The following TTF2 variants were observed in gnomAD, a reference collection of about 807,000 sequenced individuals.
TTF2 encodes the protein transcription termination factor 2.
Under a neutral mutation model 142.4 loss-of-function variants are expected in TTF2, and 108 were observed. The ratio of observed to expected loss-of-function variants is 0.76; its 90% confidence interval spans 0.65 to 0.89. The LOEUF (loss-of-function observed/expected upper bound fraction) is 0.89, where lower values mean the gene tolerates loss of function less well. TTF2 is among the 40% of genes least tolerant of loss of function. The pLI is 0.00. For missense variants in TTF2, 1,327 were observed against 1,379.8 expected, an observed-to-expected ratio of 0.96 and a Z score of 0.61; for synonymous variants, 483 against 506.2, an observed-to-expected ratio of 0.95 and a Z score of 0.61.
Position 117,081,840 on chromosome 1 carries a change from G to A in TTF2, c.1796G>A (p.Gly599Asp), listed in dbSNP as rs1412677076. Reference sequence around the variant, plus strand: ...TTTTATTTTCTAGCAGATGATATGGGCTTAGGAAAAACCCTGACAATGATT... The same window carrying A: ...TTTTATTTTCTAGCAGATGATATGGACTTAGGAAAAACCCTGACAATGATT... ...PQGGILADDM[G>D]LGKTLTMIAL... The change falls in exon 10 of 23, where the codon GGC (glycine) becomes GAC (aspartate). Residue 599 changes from glycine to aspartate, a missense_variant. By Grantham distance (94) the Gly-to-Asp change is moderately conservative (BLOSUM62 -1). Transcript: ENST00000369466. 6.2e-7 allele frequency: 1 copy of A among 1,613,884 alleles called. No homozygotes were observed.
At chr1:117,089,072 G>A (rs936200937) in intron 13 of TTF2, 90 bp downstream of exon 13, 2 of 1,378,668 alleles carry the variant, frequency 1.5e-6, no homozygotes, top group African/African-American at 3.0e-5. Context: ...CTTAGTATGT[G>A]CCAGATTATC....
intron 3 of TTF2, among the ~76,000 whole-genome samples, chr1:117,068,732 G>C (rs1346222706): frequency 6.6e-6 from 1 of 152,190 alleles, no homozygotes; most frequent in Non-Finnish European, 1.5e-5. Flanking sequence ...GATGGTGATA[G>C]AGAGGCAACC....
Position 117,097,877 on chromosome 1 carries a change from A to G in TTF2, c.3269+444A>G, listed in dbSNP as rs1178231978. ...GGGATTTTCTAATTATGTTAGAAAT[A>G]CACTTAATACCTCACCCTTGGATTC... On this transcript the variant is annotated intron_variant, in intron 21 of 22. Coordinates refer to ENST00000369466, the MANE Select transcript of TTF2 (RefSeq NM_003594.4). This position sits in a 1 kb window ranked among gnomAD's most constrained non-coding sequence, Gnocchi z 4.1. Among the ~76,000 whole-genome samples the G allele has an allele frequency of 6.6e-6, 1 of 152,260 alleles. No homozygotes were observed. Among genetic ancestry groups the G allele is most frequent in the Non-Finnish European group, 1.5e-5 (1 of 68,042 alleles).
At position 117,092,950 on chromosome 1, in the gene TTF2, C is replaced by T. The variant is rs1331319478; in HGVS notation, c.2976+49C>T. The stretch of plus-strand genomic sequence containing the variant: ...AGTCGAGAGACTTCGATTCCTCACA[C>T]ATTTTCCTGTGTGACAGCACTTCAT... On this transcript the variant is annotated intron_variant, in intron 18 of 22. Coordinates refer to ENST00000369466, the MANE Select transcript of TTF2 (RefSeq NM_003594.4). The surrounding 1 kb of genome is among the most constrained non-coding windows in gnomAD (Gnocchi z 4.4). The T allele has an allele frequency of 6.2e-7, 1 of 1,600,318 alleles. No homozygotes were observed. Among genetic ancestry groups the T allele is most frequent in the Non-Finnish European group, 8.5e-7 (1 of 1,170,956 alleles).
At position 117,060,538 on chromosome 1, in the gene TTF2, A is replaced by G; in HGVS notation, c.112A>G (p.Ser38Gly). 1 of 1,612,312 alleles carries G rather than the reference A, an allele frequency of 6.2e-7. No individual in the cohort carries two copies. The highest frequency in any genetic ancestry group is 8.5e-7 in the Non-Finnish European group (1 of 1,178,914). ...CTACGTGTGCCGGGCAGACACGTGC[A>G]GCTTCGTGCGGGCCACCGAGTAGGT... is the stretch of plus-strand genomic sequence containing the variant. ...SFYVCRADTCSFVRATDIPVS... is the reference protein window; with the variant it reads ...SFYVCRADTCGFVRATDIPVS... The change falls in exon 2 of 23, where the codon AGC becomes GGC. Residue 38 changes from serine to glycine, a missense_variant. By Grantham distance (56) the Ser-to-Gly change is moderately conservative. Coordinates refer to ENST00000369466, the MANE Select transcript of TTF2 (RefSeq NM_003594.4).
In TTF2 at chr1:117,074,993, C is replaced by A; in HGVS notation, c.409C>A (p.Leu137Ile). ...KVLDKNQEPA[L>I]WKQLIKGEGE... Reference sequence around the variant, plus strand: ...ACTTGACAAGAATCAAGAACCAGCTCTCTGGAAACAGCTCATCAAAGGTGA... The same window carrying A: ...ACTTGACAAGAATCAAGAACCAGCTATCTGGAAACAGCTCATCAAAGGTGA... The change falls in exon 5 of 23, where the codon CTC (leucine) becomes ATC (isoleucine). Residue 137 changes from leucine (L) to isoleucine (I), a missense_variant. Transcript: ENST00000369466. 6.2e-7 allele frequency: 1 copy of A among 1,613,934 alleles called. No homozygotes were observed. Among genetic ancestry groups the A allele is most frequent in the Non-Finnish European group, 8.5e-7 (1 of 1,180,018 alleles).
chr1:117,075,578 G>A lies in TTF2; in HGVS notation c.994G>A (p.Ala332Thr), dbSNP rs1392973261. ...VPAPGGPAAQ[A>T]APAAPGLSLG... ...TGCTCCTGGAGGACCAGCGGCTCAGGCTGCACCAGCAGCACCAGGGCTTTC... is the reference window on the plus strand; with the variant it reads ...TGCTCCTGGAGGACCAGCGGCTCAGACTGCACCAGCAGCACCAGGGCTTTC... Residue 332 changes from alanine (A) to threonine (T), a missense_variant, in exon 5 of 23, where the codon GCT (alanine) becomes ACT (threonine). Transcript: ENST00000369466. This position sits in a 1 kb window ranked among gnomAD's most constrained non-coding sequence, Gnocchi z 4.5. 3.1e-6 allele frequency: 5 copies of A among 1,614,064 alleles called. No individual in the cohort carries two copies. The highest frequency in any genetic ancestry group is 4.2e-6 in the Non-Finnish European group (5 of 1,180,028).
chr1:117,078,072 C>T (rs1247504256), intron 8 of TTF2, 29 bp downstream of exon 8: 1 of 1,604,048 alleles, frequency 6.2e-7, no homozygotes, highest in African/African-American at 1.3e-5. Flanking sequence ...CTGGTGTAGT[C>T]CTCTATGACA....
chr1:117,089,182 A>G (rs1648317651), intron 13 of TTF2, among the ~76,000 whole-genome samples, 200 bp downstream of exon 13: 1 of 151,710 alleles, frequency 6.6e-6, no homozygotes, highest in Non-Finnish European at 1.5e-5. Flanking sequence ...CTTTGATTAC[A>G]TTCAGCCCTT....
At position 117,105,740 on chromosome 1, in the gene TTF2, T is replaced by TA. The variant is rs1649888540; in HGVS notation, c.*4218dup. On this transcript the variant is annotated 3_prime_UTR_variant, in exon 23 of 23. Transcript: ENST00000369466. The surrounding 1 kb of genome is among the most constrained non-coding windows in gnomAD (Gnocchi z 4.7). ...TTCTTTCTAGCAGAAATTAGCAGAG[T>TA]AAGTGTTTTTGGAACAATTGCTAAT... 6.6e-6 allele frequency: 1 copy of TA among 151,808 alleles called. No individual in the cohort carries two copies. The highest frequency in any genetic ancestry group is 6.6e-5 in the Admixed American group (1 of 15,240). The allele number at this position is 151,808 out of a possible 1,614,324, so 9.4% of individuals were successfully genotyped here.
At chr1:117,098,586 C>A in intron 21 of TTF2, 1 of 365,984 alleles carries the variant, frequency 2.7e-6, no homozygotes, top group Non-Finnish European at 5.0e-6. Context: ...TTGTCTTAGG[C>A]CAGTATAGCT....
chr1:117,101,487 TCACCTTGG>T lies in TTF2; in HGVS notation c.3454_3461del (p.Thr1152Ter). On this transcript the variant is annotated frameshift_variant, in exon 23 of 23. Transcript: ENST00000369466. LOFTEE classifies it high-confidence loss of function. The surrounding 1 kb of genome is among the most constrained non-coding windows in gnomAD (Gnocchi z 5.9). ...GGGTCTGGAGAATCTGTCACCAAGC[TCACCTTGG>T]CTGACCTCAGAGTCCTTTTTGGCAT... 1.9e-6 allele frequency: 3 copies of T among 1,603,092 alleles called. No homozygotes were observed. The highest frequency in any genetic ancestry group is 2.5e-6 in the Non-Finnish European group (3 of 1,177,456).
intron 3 of TTF2, among the ~76,000 whole-genome samples, chr1:117,072,180 T>C (rs1239052574): frequency 1.3e-5 from 2 of 152,182 alleles, no homozygotes; most frequent in Non-Finnish European, 1.5e-5. Context: ...GCAGGAACTT[T>C]CTTGCACTGG....
At chr1:117,088,728 A>G (rs1341038512) in intron 12 of TTF2, 73 bp from the exon 13 acceptor site, 12 of 1,519,078 alleles carry the variant, frequency 7.9e-6, no homozygotes, top group East Asian at 2.3e-5. Flanking sequence ...CTTGCCTGCT[A>G]TTTCCCCTTG....
intron 9 of TTF2, among the ~76,000 whole-genome samples, chr1:117,081,455 G>A (rs962743176): frequency 2.0e-5 from 3 of 152,232 alleles, no homozygotes; most frequent in Non-Finnish European, 4.4e-5. Flanking sequence ...GGTAAAGTAA[G>A]TAGTAGGATA....
Position 117,093,855 on chromosome 1 carries a change from CA to C in TTF2, c.2976+957del, listed in dbSNP as rs1648836350. ...TCTTAACATATGTCCATTAATAGTT[CA>C]AACCACATACGGTTGTTTCAAGTAG... On this transcript the variant is annotated intron_variant, in intron 18 of 22. Coordinates refer to ENST00000369466, the MANE Select transcript of TTF2 (RefSeq NM_003594.4). The surrounding 1 kb of genome is among the most constrained non-coding windows in gnomAD (Gnocchi z 4.5). 6.6e-6 allele frequency among the ~76,000 whole-genome samples: 1 copy of C among 152,154 alleles called. No homozygotes were observed. The highest frequency in any genetic ancestry group is 2.1e-4 in the South Asian group (1 of 4,822).
Position 117,086,528 on chromosome 1 carries a change from G to A in TTF2, c.2160+6G>A. 6.2e-7 allele frequency: 1 copy of A among 1,610,080 alleles called. No homozygotes were observed. Among genetic ancestry groups the A allele is most frequent in the Non-Finnish European group, 8.5e-7 (1 of 1,176,716 alleles). Reference sequence around the variant, plus strand: ...GTGCAAACCTCAATGTGGAGGTGAGGCTGGGGGGCAGCCAGGGAAGTGGAG... The same window carrying A: ...GTGCAAACCTCAATGTGGAGGTGAGACTGGGGGGCAGCCAGGGAAGTGGAG... On this transcript the variant is annotated splice_donor_region_variant and intron_variant, in intron 12 of 22. Transcript: ENST00000369466. This position sits in a 1 kb window ranked among gnomAD's most constrained non-coding sequence, Gnocchi z 4.2.
At chr1:117,074,210 C>G (rs1183634679) in intron 4 of TTF2, among the ~76,000 whole-genome samples, 1 of 152,138 alleles carries the variant, frequency 6.6e-6, no homozygotes, top group Non-Finnish European at 1.5e-5. Context: ...CTTGAACTTA[C>G]GATTCTAGAT....
At position 117,103,517 on chromosome 1, in the gene TTF2, G is replaced by C. The variant is rs1395251745; in HGVS notation, c.*1993G>C. On this transcript the variant is annotated 3_prime_UTR_variant, in exon 23 of 23. Coordinates refer to ENST00000369466, the MANE Select transcript of TTF2 (RefSeq NM_003594.4). The stretch of plus-strand genomic sequence containing the variant: ...GTCAGAGTGTGGACTGAGGCATTCG[G>C]AGCCTATTTAAGCAGAAGTTTTCTA... 6.6e-6 allele frequency: 1 copy of C among 152,110 alleles called. No homozygotes were observed. The highest frequency in any genetic ancestry group is 1.5e-5 in the Non-Finnish European group (1 of 68,038). 9.4% of individuals were successfully genotyped at this position (152,110 alleles called of 1,614,324 possible). A position where few individuals can be genotyped will look rare whatever the true frequency, so the allele number is the denominator to read the frequency against.
Sources: allele counts gnomAD v4.1 joint callset (sites outside exome capture counted in the v4.1 genomes callset), GRCh38; gene constraint gnomAD v4.1.1; non-coding constraint Gnocchi (gnomAD v3.1); transcripts MANE v1.5; gene names NCBI Gene and HGNC (gene_info 2026-07-23, HGNC 2026-07-21).